The following RFWD3 variants were observed in gnomAD, a reference collection of about 807,000 sequenced individuals.
RFWD3 encodes E3 ubiquitin-protein ligase RFWD3.
A neutral mutation model predicts 87.7 loss-of-function variants in RFWD3; 65 were observed. The ratio of observed to expected loss-of-function variants is 0.74; its 90% CI spans 0.61 to 0.91. The LOEUF (loss-of-function observed/expected upper bound fraction) is 0.91. Among genes scored for constraint, RFWD3 ranks in the 40% least tolerant of loss-of-function variants. The pLI, the probability that RFWD3 is intolerant of heterozygous loss-of-function variation, is 0.00. For missense variants in RFWD3, 1,078 were observed against 938.5 expected (o/e 1.15, Z -1.94); for synonymous variants, 433 against 352.8 (o/e 1.23, Z -2.55).
rs1244886256 is a variant in RFWD3 at position 74,661,042 on chromosome 16, G to T, written c.408C>A (p.Phe136Leu). 1 of 1,614,194 alleles carries T rather than the reference G, an allele frequency of 6.2e-7. No individual in the cohort carries two copies. The highest frequency in any genetic ancestry group is 1.7e-5 in the Admixed American group (1 of 60,020). ...GLQRLHGMLE[F>L]LRPSSSNHSV... ...TGTGGTTTGAAGATGAAGGTCTCAG[G>T]AATTCCAGCATGCCATGAAGTCTCT... The change falls in exon 2 of 13, where the codon TTC becomes TTA. Residue 136 changes from phenylalanine (F) to leucine (L), a missense_variant. Phe to Leu is a conservative substitution (Grantham distance 22). Coordinates refer to ENST00000361070, the MANE Select transcript of RFWD3 (RefSeq NM_018124.4).
chr16:74,630,161 T>C (rs1959046880), intron 10 of RFWD3, among the ~76,000 whole-genome samples: 1 of 152,064 alleles, frequency 6.6e-6, no homozygotes, highest in African/African-American at 2.4e-5. Flanking sequence ...AACGGCGCAA[T>C]CTCGGCTCAC....
chr16:74,636,463 G>C lies in RFWD3; in HGVS notation c.1309C>G (p.His437Asp). 6.2e-7 allele frequency: 1 copy of C among 1,614,106 alleles called. No individual in the cohort carries two copies. Among genetic ancestry groups the C allele is most frequent in the Non-Finnish European group, 8.5e-7 (1 of 1,180,042 alleles). The change falls in exon 8 of 13, where the codon CAC (histidine) becomes GAC (aspartate). Residue 437 changes from histidine to aspartate, a missense_variant. Coordinates refer to ENST00000361070, the MANE Select transcript of RFWD3 (RefSeq NM_018124.4). ...SSQGQHKHKY[H>D]FQKTFTVSQA... ...GATACTGTGAAGGTCTTTTGGAAGT[G>C]GTACTTGTGCTTGTGCTGGCCCTGG...
At chr16:74,637,778 G>A in intron 7 of RFWD3, 78 bp downstream of exon 7, 7 of 1,032,094 alleles carry the variant, frequency 6.8e-6, no homozygotes, top group Non-Finnish European at 1.0e-5. Flanking sequence ...ATTTGTTTCT[G>A]AGATGAACAT....
chr16:74,635,017 A>G (rs528499794), intron 8 of RFWD3, among the ~76,000 whole-genome samples: 1 of 152,170 alleles, frequency 6.6e-6, no homozygotes, highest in Admixed American at 6.5e-5. Flanking sequence ...GCGGTGGCTC[A>G]CGCCTGTAAT....
In RFWD3 at chr16:74,630,810, A is replaced by T. The variant is rs769140398; in HGVS notation, c.1725T>A (p.His575Gln). ...LVYDVRNTSS[H>Q]VQELVAQKAR... The stretch of plus-strand genomic sequence containing the variant: ...CTTTCTGAGCTACTAACTCCTGCAC[A>T]TGACTGCTCGTGTTTCGCACGTCAT... Residue 575 changes from histidine (H) to glutamine (Q), a missense_variant, in exon 10 of 13, where the codon CAT becomes CAA. By Grantham distance (24) the His-to-Gln change is conservative. Coordinates refer to ENST00000361070, the MANE Select transcript of RFWD3 (RefSeq NM_018124.4). The T allele has an allele frequency of 6.2e-7, 1 of 1,611,942 alleles. No individual in the cohort carries two copies. Among genetic ancestry groups the T allele is most frequent in the Non-Finnish European group, 8.5e-7 (1 of 1,179,252 alleles).
At position 74,644,717 on chromosome 16, in the gene RFWD3, C is replaced by T. The variant is rs749315983; in HGVS notation, c.811G>A (p.Glu271Lys). The change falls in exon 5 of 13, where the codon GAG becomes AAG. Residue 271 changes from glutamate to lysine, a missense_variant. By Grantham distance (56) the Glu-to-Lys change is moderately conservative (BLOSUM62 1). Coordinates refer to ENST00000361070, the MANE Select transcript of RFWD3 (RefSeq NM_018124.4). ...ATAGAAGCAGAAGGTAGCAGAGGCT[C>T]AGACTTCTGGGGAGATGGCTAGATG... is the stretch of plus-strand genomic sequence containing the variant. ...LPKQPSPQKS[E>K]PLLPSASMDE... The T allele has an allele frequency of 6.2e-7, 1 of 1,613,972 alleles. No individual in the cohort carries two copies. The highest frequency in any genetic ancestry group is 1.7e-5 in the Admixed American group (1 of 59,998).
At chr16:74,665,492 C>A (rs867330998) in intron 1 of RFWD3, among the ~76,000 whole-genome samples, 1 of 151,732 alleles carries the variant, frequency 6.6e-6, no homozygotes, top group South Asian at 2.1e-4. Context: ...GCAGGAGAAT[C>A]GCTTGAACCC....
rs1289528974 is a variant in RFWD3, at chr16:74,637,927, C to G, written c.1123G>C (p.Glu375Gln). Residue 375 changes from glutamate (E) to glutamine (Q), a missense_variant, in exon 7 of 13, where the codon GAA (glutamate) becomes CAA (glutamine). Physicochemically the swap from Glu to Gln is conservative, Grantham distance 29. Transcript: ENST00000361070. Reference protein sequence around the residue: ...EQMLRKQAELESAQCRLQLQV... With the variant: ...EQMLRKQAELQSAQCRLQLQV... ...AGTTGGAGTCGGCACTGTGCTGATTCTAACTCGGCCTGTTTCCTTAGCATC... is the reference window on the plus strand; with the variant it reads ...AGTTGGAGTCGGCACTGTGCTGATTGTAACTCGGCCTGTTTCCTTAGCATC... The G allele has an allele frequency of 2.5e-6, 4 of 1,612,450 alleles. No individual in the cohort carries two copies. The highest frequency in any genetic ancestry group is 3.4e-6 in the Non-Finnish European group (4 of 1,179,796).
At position 74,621,547 on chromosome 16, in the gene RFWD3, C is replaced by G. The variant is rs1958767729; in HGVS notation, c.*2381G>C. The G allele has an allele frequency of 6.6e-6, 1 of 152,060 alleles. No individual in the cohort carries two copies. 9.4% of individuals were successfully genotyped at this position (152,060 alleles called of 1,614,324 possible). On this transcript the variant is annotated 3_prime_UTR_variant, in exon 13 of 13. Coordinates refer to ENST00000361070, the MANE Select transcript of RFWD3 (RefSeq NM_018124.4). ...AAGACATTTTGAGTTCGTTTAACTC[C>G]AAATCCTCAAGTGGGGAAAAAAACT...
chr16:74,626,698 G>C (rs1481611045), intron 11 of RFWD3, 144 bp from the exon 12 acceptor site: 5 of 635,882 alleles, frequency 7.9e-6, no homozygotes, highest in African/African-American at 1.8e-5. Context: ...CAAAACAAAT[G>C]AAAGAACAAT....
rs1167058854 is a variant in RFWD3, at chr16:74,649,093, A to G, written c.792+39T>C. ...AGACCTAGTCTCTAAAAATAAATAA[A>G]TAAATAAATAGATTTTTTTAAAATG... On this transcript the variant is annotated intron_variant, in intron 4 of 12. Transcript: ENST00000361070. 2.9e-6 allele frequency: 4 copies of G among 1,367,240 alleles called. No individual in the cohort carries two copies. The South Asian group carries it at 5.0e-5, about 17-fold the overall frequency. 84.7% of individuals were successfully genotyped at this position (1,367,240 alleles called of 1,614,324 possible).
At chr16:74,634,467 C>T (rs1302358335) in intron 8 of RFWD3, among the ~76,000 whole-genome samples, 1 of 152,108 alleles carries the variant, frequency 6.6e-6, no homozygotes, top group East Asian at 1.9e-4. Flanking sequence ...TCACAATAGC[C>T]TCGATCTCCT....
chr16:74,663,861 A>G (rs186576909), intron 1 of RFWD3, among the ~76,000 whole-genome samples: 9 of 152,338 alleles, frequency 5.9e-5, no homozygotes, highest in African/African-American at 2.2e-4. Flanking sequence ...TGTAAAAACC[A>G]GGTACCACAA....
chr16:74,662,921 T>C (rs1426502854), intron 1 of RFWD3, among the ~76,000 whole-genome samples: 1 of 151,890 alleles, frequency 6.6e-6, no homozygotes, highest in Non-Finnish European at 1.5e-5. Context: ...TTTTTTTTTT[T>C]TGAGATGGAG....
At position 74,661,335 on chromosome 16, in the gene RFWD3, C is replaced by A. The variant is rs1961420840; in HGVS notation, c.115G>T (p.Val39Phe). Residue 39 changes from valine (V) to phenylalanine (F), a missense_variant, in exon 2 of 13, where the codon GTT becomes TTT. Coordinates refer to ENST00000361070, the MANE Select transcript of RFWD3 (RefSeq NM_018124.4). ...TGGCTGCTGACCACATCAGCAGGAACAGGCTGGAGGAGGGCTGGTCCCCCT... is the reference window on the plus strand; with the variant it reads ...TGGCTGCTGACCACATCAGCAGGAAAAGGCTGGAGGAGGGCTGGTCCCCCT... ...SQGGPALLQP[V>F]PADVVSSQGV... The A allele has an allele frequency of 8.1e-6, 13 of 1,614,094 alleles. No individual in the cohort carries two copies. The highest frequency in any genetic ancestry group is 1.1e-5 in the Non-Finnish European group (13 of 1,180,028).
Position 74,623,505 on chromosome 16 carries a change from T to TA in RFWD3, c.*422dup, listed in dbSNP as rs1399814752. 3.1e-5 allele frequency: 5 copies of TA among 163,420 alleles called. No individual in the cohort carries two copies. Among genetic ancestry groups the TA allele is most frequent in the African/African-American group, 1.2e-4 (5 of 41,742 alleles). The allele number at this position is 163,420 out of a possible 1,614,324, so 10.1% of individuals were successfully genotyped here. A position where few individuals can be genotyped will look rare whatever the true frequency, so the allele number is the denominator to read the frequency against. On this transcript the variant is annotated 3_prime_UTR_variant, in exon 13 of 13. Coordinates refer to ENST00000361070, the MANE Select transcript of RFWD3 (RefSeq NM_018124.4). ...ATCAAATCAGTACCAAGACGATGGT[T>TA]AGTCCCTTCAAGGATACTTAAGTGA...
intron 2 of RFWD3, among the ~76,000 whole-genome samples, chr16:74,653,127 C>G (rs1024930738): frequency 3.3e-5 from 5 of 152,098 alleles, no homozygotes; most frequent in Non-Finnish European, 4.4e-5. Flanking sequence ...CTGCTTGTGC[C>G]TAGGAGTTCG....
At chr16:74,631,382 GA>G (rs773296420) in intron 9 of RFWD3, among the ~76,000 whole-genome samples, 3 of 152,042 alleles carry the variant, frequency 2.0e-5, no homozygotes, top group Admixed American at 2.0e-4. Context: ...TGAGGCAGGA[GA>G]ATCACTTGAA....
intron 7 of RFWD3, among the ~76,000 whole-genome samples, chr16:74,637,133 A>AC (rs1959218451): frequency 1.3e-5 from 2 of 150,256 alleles, no homozygotes; most frequent in Admixed American, 6.6e-5. Flanking sequence ...AAAAAAAAAA[A>AC]AAAAAAAAAA....
Sources: gnomAD v4.1 joint callset for allele counts (sites outside exome capture counted in the v4.1 genomes callset) on GRCh38, gnomAD v4.1.1 for gene constraint, MANE v1.5 for transcripts, NCBI Gene and HGNC (gene_info 2026-07-23, HGNC 2026-07-21) for gene names.